The following ZFPM2 variants were observed in gnomAD, a reference collection of about 807,000 sequenced individuals.
ZFPM2 encodes the protein zinc finger protein, FOG family member 2.
In ZFPM2, 20 loss-of-function variants were observed where a neutral mutation model predicts 98.6. That is an observed-to-expected ratio of 0.20 (90% CI 0.14 to 0.29). The LOEUF (loss-of-function observed/expected upper bound fraction) is 0.29. Ranked by LOEUF, ZFPM2 falls within the 10% of genes least tolerant of loss-of-function variation. The probability of loss-of-function intolerance (pLI) is 1.00; values close to 1 mark genes in which losing one functional copy is unlikely to be tolerated. For missense variants in ZFPM2, 1,310 were observed against 1,388.6 expected, an observed-to-expected ratio of 0.94 and a Z score of 0.90; for synonymous variants, 518 against 502.7, an observed-to-expected ratio of 1.03 and a Z score of -0.41.
chr8:105,764,680 T>C (rs1223449565), intron 5 of ZFPM2, among the ~76,000 whole-genome samples: 2 of 151,684 alleles, frequency 1.3e-5, no homozygotes, highest in Admixed American at 6.6e-5. Flanking sequence ...TTTTCATGAT[T>C]TTTTTTTCTT....
Position 105,561,500 on chromosome 8 carries a change from A to G in ZFPM2, c.420+19A>G, listed in dbSNP as rs2130699431. On this transcript the variant is annotated intron_variant, in intron 4 of 7. Transcript: ENST00000407775. ...TTCTTTGGTATGTGGATATTCCGAGATGGTTAATATTTTGTCATCGACTGT... is the reference window on the plus strand; with the variant it reads ...TTCTTTGGTATGTGGATATTCCGAGGTGGTTAATATTTTGTCATCGACTGT... 1.3e-6 allele frequency: 2 copies of G among 1,557,634 alleles called. No individual in the cohort carries two copies. Among genetic ancestry groups the G allele is most frequent in the East Asian group, 4.5e-5 (2 of 44,060 alleles).
intron 1 of ZFPM2, among the ~76,000 whole-genome samples, chr8:105,335,093 T>A (rs764174275): frequency 6.6e-5 from 10 of 151,794 alleles, no homozygotes; most frequent in Admixed American, 1.3e-4. Context: ...TGAATTTTTG[T>A]CAGATAATTT....
chr8:105,492,750 G>T (rs1813382243), intron 3 of ZFPM2, among the ~76,000 whole-genome samples: 1 of 152,094 alleles, frequency 6.6e-6, no homozygotes, highest in Non-Finnish European at 1.5e-5. Flanking sequence ...GAACAATACT[G>T]ATTAGTAATG....
chr8:105,620,626 T>C (rs1816519029), intron 4 of ZFPM2, among the ~76,000 whole-genome samples: 1 of 152,212 alleles, frequency 6.6e-6, no homozygotes, highest in Non-Finnish European at 1.5e-5. Context: ...TCCTGAATGG[T>C]ATTGCCTAGG....
At chr8:105,682,459 G>A (rs1327134181) in intron 5 of ZFPM2, among the ~76,000 whole-genome samples, 1 of 152,102 alleles carries the variant, frequency 6.6e-6, no homozygotes, top group African/African-American at 2.4e-5. Flanking sequence ...AGAAAATAAG[G>A]TCACAGAAAT....
intron 5 of ZFPM2, among the ~76,000 whole-genome samples, chr8:105,664,577 G>A (rs920568865): frequency 2.0e-5 from 3 of 152,078 alleles, no homozygotes; most frequent in African/African-American, 4.8e-5. Flanking sequence ...CAGGTGATCC[G>A]CCTGCCTTGG....
intron 1 of ZFPM2, among the ~76,000 whole-genome samples, chr8:105,418,075 G>T (rs1219166400): frequency 6.6e-6 from 1 of 151,996 alleles, no homozygotes; most frequent in African/African-American, 2.4e-5. Flanking sequence ...TATATAAATT[G>T]TAGTATATGC....
chr8:105,548,862 T>C (rs966691900), intron 3 of ZFPM2, among the ~76,000 whole-genome samples: 1 of 152,144 alleles, frequency 6.6e-6, no homozygotes, highest in African/African-American at 2.4e-5. Flanking sequence ...TTAGATTCAT[T>C]TTACATCTTC....
At chr8:105,591,152 T>A (rs1815834482) in intron 4 of ZFPM2, among the ~76,000 whole-genome samples, 1 of 152,012 alleles carries the variant, frequency 6.6e-6, no homozygotes, top group Admixed American at 6.6e-5. Flanking sequence ...GTTTGCTGAT[T>A]TTGACTTTTT....
chr8:105,530,823 T>C (rs1041332842), intron 3 of ZFPM2, among the ~76,000 whole-genome samples: 1 of 152,114 alleles, frequency 6.6e-6, no homozygotes, highest in African/African-American at 2.4e-5. Context: ...CACTAGTAAA[T>C]GCAAGATGCT....
At chr8:105,319,593 G>T (rs1811979850) in intron 1 of ZFPM2, 1 of 152,732 alleles carries the variant, frequency 6.5e-6, no homozygotes, top group South Asian at 2.1e-4. Flanking sequence ...TGCCCTGCGG[G>T]CGCGGGCTGG....
chr8:105,775,077 T>TAAAAAAAA (rs397968210), intron 5 of ZFPM2, among the ~76,000 whole-genome samples: 1 of 104,930 alleles, frequency 9.5e-6, no homozygotes. Context: ...CTCTTGGAAT[T>TAAAAAAAA]AAAAAAAAAA....
intron 1 of ZFPM2, among the ~76,000 whole-genome samples, chr8:105,331,377 T>C (rs1006275430): frequency 2.1e-4 from 32 of 151,660 alleles, no homozygotes; most frequent in African/African-American, 7.5e-4. Context: ...ACATTCACTT[T>C]GATGTTCTTT....
intron 4 of ZFPM2, among the ~76,000 whole-genome samples, chr8:105,602,667 A>C (rs1341423765): frequency 1.3e-5 from 2 of 152,082 alleles, no homozygotes; most frequent in Non-Finnish European, 2.9e-5. Flanking sequence ...ATACATGAAT[A>C]TGTGTGTACA....
intron 3 of ZFPM2, among the ~76,000 whole-genome samples, chr8:105,484,965 C>T (rs1813199796): frequency 6.6e-6 from 1 of 152,186 alleles, no homozygotes; most frequent in Non-Finnish European, 1.5e-5. Context: ...ACTCTACAGC[C>T]AAACCCTGAT....
intron 3 of ZFPM2, among the ~76,000 whole-genome samples, chr8:105,474,669 A>G (rs1456150100): frequency 3.9e-5 from 6 of 152,242 alleles, no homozygotes; most frequent in Admixed American, 3.3e-4. Flanking sequence ...ATAGTCAATC[A>G]TTAGCTATCA....
intron 2 of ZFPM2, among the ~76,000 whole-genome samples, chr8:105,423,952 C>G (rs1223207026): frequency 2.6e-5 from 4 of 152,154 alleles, no homozygotes; most frequent in South Asian, 4.2e-4. Flanking sequence ...AGAATCAGAT[C>G]AATGTCACTG....
At chr8:105,614,784 G>T (rs1816379610) in intron 4 of ZFPM2, among the ~76,000 whole-genome samples, 1 of 152,006 alleles carries the variant, frequency 6.6e-6, no homozygotes, top group African/African-American at 2.4e-5. Context: ...AAACCTACAA[G>T]ATAATTTGGT....
chr8:105,787,278 G>A (rs1191485686), intron 5 of ZFPM2: 3 of 152,166 alleles, frequency 2.0e-5, no homozygotes, highest in East Asian at 1.9e-4. Context: ...TTCAACTGTG[G>A]TAAACTTGTA....
Sources: gnomAD v4.1 joint callset for allele counts (sites outside exome capture counted in the v4.1 genomes callset) on GRCh38, gnomAD v4.1.1 for gene constraint, MANE v1.5 for transcripts, NCBI Gene and HGNC (gene_info 2026-07-23, HGNC 2026-07-21) for gene names.